AFG3L2: variants seen among roughly 807,000 people sequenced by gnomAD.
AFG3L2 encodes mitochondrial inner membrane m-AAA protease component AFG3L2.
AFG3L2 carries 54 observed loss-of-function variants against 94.5 expected under a neutral mutation model. The ratio of observed to expected loss-of-function variants is 0.57; its 90% confidence interval spans 0.46 to 0.72. The LOEUF is 0.72. AFG3L2 is among the 30% of genes least tolerant of loss of function. The pLI is 0.00. For synonymous variants in AFG3L2, 377 were observed against 365.5 expected (o/e 1.03, Z -0.36); for missense variants, 754 against 994.9 (o/e 0.76, Z 3.26).
At position 12,329,798 on chromosome 18, in the gene AFG3L2, A is replaced by G. The variant is rs372545660; in HGVS notation, c.2176-15T>C. ...AGAAGAGCAACCTGAAATATGAACA[A>G]TTTTCATTAAATACAGTTACTCAGC... On this transcript the variant is annotated splice_polypyrimidine_tract_variant and intron_variant, in intron 16 of 16. Coordinates refer to ENST00000269143, the MANE Select transcript of AFG3L2 (RefSeq NM_006796.3). 3 of 1,592,282 alleles carry G rather than the reference A, an allele frequency of 1.9e-6. No individual in the cohort carries two copies. The African/African-American group carries it at 4.0e-5, about 21-fold the overall frequency.
chr18:12,365,961 G>A lies in AFG3L2; in HGVS notation c.552+1004C>T, dbSNP rs1443290961. Among the ~76,000 whole-genome samples, 4 of 141,120 alleles carry A rather than the reference G, an allele frequency of 2.8e-5. No homozygotes were observed. The East Asian group carries it at 8.8e-4, about 31-fold the overall frequency. The allele number at this position is 141,120 out of a possible 152,430, so 92.6% of individuals were successfully genotyped here. On this transcript the variant is annotated intron_variant, in intron 5 of 16. Coordinates refer to ENST00000269143, the MANE Select transcript of AFG3L2 (RefSeq NM_006796.3). ...GCAATCTCGGCTCACTGCAAGCTCC[G>A]CCTCCCGGGTTCACGCCATTCTCCT...
In AFG3L2 at chr18:12,344,167, C is replaced by T. The variant is rs1908047353; in HGVS notation, c.1744G>A (p.Gly582Ser). ...GGGTCTGCGTGCTCCAGATACCAGC[C>T]GGCAACCGCATGGCCTGCTTCGTGG... ...AYHEAGHAVA[G>S]WYLEHADPLL... Residue 582 changes from glycine to serine, a missense_variant, in exon 14 of 17, where the codon GGC (glycine) becomes AGC (serine). By Grantham distance (56) the Gly-to-Ser change is moderately conservative. Coordinates refer to ENST00000269143, the MANE Select transcript of AFG3L2 (RefSeq NM_006796.3). 2 of 1,613,910 alleles carry T rather than the reference C, an allele frequency of 1.2e-6. No homozygotes were observed. Among genetic ancestry groups the T allele is most frequent in the Non-Finnish European group, 1.7e-6 (2 of 1,180,038 alleles).
chr18:12,348,242 T>C (rs1908207727), intron 13 of AFG3L2, 31 bp downstream of exon 13: 5 of 1,564,324 alleles, frequency 3.2e-6, no homozygotes, highest in East Asian at 2.2e-5. Flanking sequence ...TTTATCAGCC[T>C]TTCCACTTGA....
intron 16 of AFG3L2, among the ~76,000 whole-genome samples, chr18:12,330,606 C>T (rs1411126311): frequency 1.3e-5 from 2 of 152,000 alleles, no homozygotes; most frequent in African/African-American, 4.8e-5. Flanking sequence ...GGCAAAACCC[C>T]GTCTCTACTA....
chr18:12,367,422 G>A (rs1472092732), intron 3 of AFG3L2, 40 bp from the exon 4 acceptor site: 1 of 1,589,056 alleles, frequency 6.3e-7, no homozygotes, highest in Non-Finnish European at 8.6e-7. Flanking sequence ...GCACGGCAAG[G>A]TTTTAGCTCT....
chr18:12,375,482 A>G (rs1909124033), intron 1 of AFG3L2, among the ~76,000 whole-genome samples: 1 of 150,798 alleles, frequency 6.6e-6, no homozygotes, highest in South Asian at 2.1e-4. Flanking sequence ...ACACTTTGAG[A>G]GGAGGAGGCG....
intron 16 of AFG3L2, among the ~76,000 whole-genome samples, chr18:12,336,128 C>T (rs1178381231): frequency 1.3e-5 from 2 of 152,178 alleles, no homozygotes; most frequent in East Asian, 3.8e-4. Flanking sequence ...CAAAACTAAA[C>T]TACCCTTGTA....
chr18:12,368,652 G>A (rs1359081411), intron 3 of AFG3L2, among the ~76,000 whole-genome samples: 1 of 152,184 alleles, frequency 6.6e-6, no homozygotes, highest in Non-Finnish European at 1.5e-5. Context: ...CCAGGCTGGA[G>A]TACAATGGCG....
At chr18:12,359,018 A>G in intron 7 of AFG3L2, 75 bp from the exon 8 acceptor site, 1 of 1,536,888 alleles carries the variant, frequency 6.5e-7, no homozygotes, top group Non-Finnish European at 8.8e-7. Context: ...CAAGATATCA[A>G]TATAAATATA....
Position 12,329,235 on chromosome 18 carries a change from G to C in AFG3L2, c.*330C>G, listed in dbSNP as rs1568130177. The stretch of plus-strand genomic sequence containing the variant: ...CCTTCCCACACGCCAAGAGTCCAGT[G>C]CAACGATCCCTGCCACACGGTCAGC... On this transcript the variant is annotated 3_prime_UTR_variant, in exon 17 of 17. Coordinates refer to ENST00000269143, the MANE Select transcript of AFG3L2 (RefSeq NM_006796.3). The C allele has an allele frequency of 2.8e-5, 20 of 702,432 alleles. No homozygotes were observed. The highest frequency in any genetic ancestry group is 4.4e-5 in the Non-Finnish European group (17 of 384,992). The allele number at this position is 702,432 out of a possible 1,614,324, so 43.5% of individuals were successfully genotyped here.
chr18:12,335,744 C>T (rs371866287), intron 16 of AFG3L2, among the ~76,000 whole-genome samples: 1 of 152,214 alleles, frequency 6.6e-6, no homozygotes, highest in Non-Finnish European at 1.5e-5. Context: ...CTGGGTACCT[C>T]GGCCCTATCT....
chr18:12,330,240 C>T (rs548859903), intron 16 of AFG3L2, among the ~76,000 whole-genome samples: 3 of 151,756 alleles, frequency 2.0e-5, no homozygotes, highest in East Asian at 3.9e-4. Flanking sequence ...GCAGGAGGAT[C>T]ACTTGAACCC....
intron 9 of AFG3L2, among the ~76,000 whole-genome samples, chr18:12,354,885 G>A (rs930694095): frequency 4.0e-5 from 6 of 150,174 alleles, no homozygotes; most frequent in African/African-American, 1.5e-4. Flanking sequence ...ATTTTTCTAT[G>A]ACTTATCTGC....
At chr18:12,353,486 C>T (rs1325241719) in intron 9 of AFG3L2, among the ~76,000 whole-genome samples, 1 of 140,820 alleles carries the variant, frequency 7.1e-6, no homozygotes, top group East Asian at 2.1e-4. Flanking sequence ...TGCACTCCTG[C>T]CTGGGCAACA....
In AFG3L2 at chr18:12,367,258, C is replaced by G; in HGVS notation, c.399+18G>C. 1 of 1,614,062 alleles carries G rather than the reference C, an allele frequency of 6.2e-7. No individual in the cohort carries two copies. On this transcript the variant is annotated intron_variant, in intron 4 of 16. Coordinates refer to ENST00000269143, the MANE Select transcript of AFG3L2 (RefSeq NM_006796.3). Reference sequence around the variant, plus strand: ...CACCATCATAACCTCAAAATTCACACAATGTATAGCATCAAACCTTCTGAA... The same window carrying G: ...CACCATCATAACCTCAAAATTCACAGAATGTATAGCATCAAACCTTCTGAA...
intron 10 of AFG3L2, 137 bp from the exon 11 acceptor site, chr18:12,351,550 T>G (rs1316016352): frequency 1.5e-5 from 6 of 406,658 alleles, no homozygotes; most frequent in Non-Finnish European, 2.5e-5. Context: ...GTGTTTTTTG[T>G]TTTTTTTTTT....
At chr18:12,367,176 T>C (rs1908832685) in intron 4 of AFG3L2, 59 bp from the exon 5 acceptor site, 5 of 1,612,948 alleles carry the variant, frequency 3.1e-6, no homozygotes. Context: ...CGATCTATGC[T>C]CTGTGAGACA....
chr18:12,332,932 C>CTATATAATATATAATATATTA lies in AFG3L2; in HGVS notation c.2176-3150_2176-3149insTAATATATTATATATTATATA, dbSNP rs1282089860. 1.4e-4 allele frequency among the ~76,000 whole-genome samples: 16 copies of CTATATAATATATAATATATTA among 113,040 alleles called. 2 individuals are homozygous for CTATATAATATATAATATATTA. Among genetic ancestry groups the CTATATAATATATAATATATTA allele is most frequent in the Admixed American group, 6.3e-4 (5 of 7,926 alleles). 74.2% of individuals were successfully genotyped at this position (113,040 alleles called of 152,430 possible). A position where few individuals can be genotyped will look rare whatever the true frequency, so the allele number is the denominator to read the frequency against. ...AAATATATATTATATATAACATATA[C>CTATATAATATATAATATATTA]TATATAACATATAATATATTATATA... On this transcript the variant is annotated intron_variant, in intron 16 of 16. Transcript: ENST00000269143.
chr18:12,351,200 G>A lies in AFG3L2; in HGVS notation c.1437C>T (p.Asp479=). The change falls in exon 12 of 17, where the codon GAC becomes GAT. Residue 479 remains aspartate (D), a synonymous_variant. Coordinates refer to ENST00000269143, the MANE Select transcript of AFG3L2 (RefSeq NM_006796.3). ...TGAAAATAGAAGCTCTTCCTTTTAT[G>A]TCTGGTGGTCCTTTAGAAATCATTT... ...FDRQIFIGPP[D]IKGRASIFKV... 5 of 1,614,104 alleles carry A rather than the reference G, an allele frequency of 3.1e-6. No individual in the cohort carries two copies. Among genetic ancestry groups the A allele is most frequent in the Non-Finnish European group, 4.2e-6 (5 of 1,180,016 alleles).
Sources: allele counts gnomAD v4.1 joint callset (sites outside exome capture counted in the v4.1 genomes callset), GRCh38; gene constraint gnomAD v4.1.1; transcripts MANE v1.5; gene names NCBI Gene and HGNC (gene_info 2026-07-23, HGNC 2026-07-21).